The following GASK1A variants were observed in gnomAD, a reference collection of about 807,000 sequenced individuals.
The protein encoded by GASK1A is golgi associated kinase 1A.
GASK1A carries 40 observed loss-of-function variants against 41.2 expected under a neutral mutation model. The observed-to-expected ratio is 0.97, with a 90% CI of 0.75 to 1.27. GASK1A has a LOEUF of 1.27. Among genes scored for constraint, GASK1A ranks in the 50% most tolerant of loss-of-function variants. The pLI is 0.00. For missense variants in GASK1A, 678 were observed against 745.1 expected (o/e 0.91, Z 1.05); for synonymous variants, 316 against 307.1 (o/e 1.03, Z -0.30).
chr3:43,056,010 C>T (rs3732856), intron 4 of GASK1A, 166 bp from the exon 5 acceptor site: 350,742 of 608,786 alleles, frequency 0.58, 105,076 homozygotes, highest in South Asian at 0.72. Context: ...AAAGGGTCCT[C>T]TGTTAGTGAG....
At chr3:42,985,801 A>G (rs1172698607) in intron 1 of GASK1A, among the ~76,000 whole-genome samples, 1 of 152,186 alleles carries the variant, frequency 6.6e-6, no homozygotes, top group African/African-American at 2.4e-5. Flanking sequence ...AAGCCACTGT[A>G]CATCTGTTAG....
In GASK1A at chr3:43,033,338, C is replaced by T. The variant is rs1256004161; in HGVS notation, c.1075C>T (p.Arg359Ter). 23 of 1,551,296 alleles carry T rather than the reference C, an allele frequency of 1.5e-5. No individual in the cohort carries two copies. The African/African-American group carries it at 1.6e-4, about 11-fold the overall frequency. The part of the protein sequence containing the change: ...RRFHSPLLPY[R>*]YTDGGARPVI... Reference sequence around the variant, plus strand: ...CTTCCATAGCCCCCTCCTGCCCTACCGATACACAGACGGTGGAGCAAGGCC... The same window carrying T: ...CTTCCATAGCCCCCTCCTGCCCTACTGATACACAGACGGTGGAGCAAGGCC... Residue 359 changes from arginine to a stop codon, truncating the protein, a stop_gained, in exon 2 of 5, where the codon CGA becomes TGA. Transcript: ENST00000430121. LOFTEE classifies it high-confidence loss of function.
At chr3:42,988,116 G>A (rs1016245663) in intron 1 of GASK1A, among the ~76,000 whole-genome samples, 1 of 151,920 alleles carries the variant, frequency 6.6e-6, no homozygotes, top group Non-Finnish European at 1.5e-5. Flanking sequence ...CCTCCAGCCA[G>A]TGTAGACACC....
chr3:42,989,211 G>T (rs925297462), intron 1 of GASK1A, among the ~76,000 whole-genome samples: 1 of 152,116 alleles, frequency 6.6e-6, no homozygotes, highest in Non-Finnish European at 1.5e-5. Flanking sequence ...ACGTCGATAG[G>T]GGGAGAGGGT....
In GASK1A at chr3:43,056,633, G is replaced by A. The variant is rs2089717858; in HGVS notation, c.*247G>A. 2.4e-6 allele frequency: 1 copy of A among 417,898 alleles called. No homozygotes were observed. The highest frequency in any genetic ancestry group is 2.0e-5 in the African/African-American group (1 of 51,034). 25.9% of individuals were successfully genotyped at this position (417,898 alleles called of 1,614,324 possible). ...AAATACATTCGAAAATGTTCTGTGAGCTGCTCAAGAAACTGTAAAAATGTG... is the reference window on the plus strand; with the variant it reads ...AAATACATTCGAAAATGTTCTGTGAACTGCTCAAGAAACTGTAAAAATGTG... On this transcript the variant is annotated 3_prime_UTR_variant, in exon 5 of 5. Coordinates refer to ENST00000430121, the MANE Select transcript of GASK1A (RefSeq NM_001129908.3).
rs1406350138 is a variant in GASK1A, at chr3:43,032,335, C to A, written c.72C>A (p.Ile24=). 57 of 1,550,994 alleles carry A rather than the reference C, an allele frequency of 3.7e-5. No homozygotes were observed. Among genetic ancestry groups the A allele is most frequent in the Non-Finnish European group, 4.8e-5 (55 of 1,146,588 alleles). Reference sequence around the variant, plus strand: ...TGATAGCGTTCTGCCTCTTGATGATCCTATCTGCGATGGCTGTCACCCGCT... The same window carrying A: ...TGATAGCGTTCTGCCTCTTGATGATACTATCTGCGATGGCTGTCACCCGCT... ...RPVIAFCLLM[I]LSAMAVTRFP... The change falls in exon 2 of 5, where the codon ATC becomes ATA. Residue 24 remains isoleucine (I), a synonymous_variant. Coordinates refer to ENST00000430121, the MANE Select transcript of GASK1A (RefSeq NM_001129908.3).
chr3:43,020,277 C>T (rs1263137768), intron 1 of GASK1A, among the ~76,000 whole-genome samples: 1 of 152,200 alleles, frequency 6.6e-6, no homozygotes, highest in African/African-American at 2.4e-5. Flanking sequence ...TTCCTCCAAG[C>T]GTTCCTGTTT....
intron 2 of GASK1A, chr3:43,037,292 G>A (rs894463095): frequency 3.4e-6 from 3 of 876,926 alleles, no homozygotes; most frequent in Non-Finnish European, 5.9e-6. Flanking sequence ...AGATGAACGG[G>A]ACCCCAGGTG....
At chr3:42,986,647 A>G (rs1294720298) in intron 1 of GASK1A, among the ~76,000 whole-genome samples, 1 of 152,068 alleles carries the variant, frequency 6.6e-6, no homozygotes, top group Non-Finnish European at 1.5e-5. Flanking sequence ...TGGCTCTTGG[A>G]TGTGGGTGCT....
intron 1 of GASK1A, among the ~76,000 whole-genome samples, chr3:43,001,189 G>A (rs1251772134): frequency 6.6e-6 from 1 of 152,120 alleles, no homozygotes; most frequent in African/African-American, 2.4e-5. Context: ...GCAGGGCGCA[G>A]ACATTGTGGG....
chr3:42,997,323 G>T (rs939968371), intron 1 of GASK1A, among the ~76,000 whole-genome samples: 12 of 152,048 alleles, frequency 7.9e-5, no homozygotes, highest in African/African-American at 2.2e-4. Context: ...CTCACCTCTG[G>T]CCTCTGCTCC....
intron 1 of GASK1A, among the ~76,000 whole-genome samples, chr3:43,011,617 G>A (rs1398945337): frequency 6.6e-6 from 1 of 152,110 alleles, no homozygotes; most frequent in Non-Finnish European, 1.5e-5. Flanking sequence ...GCAGAGTGAA[G>A]TCACAGGAAG....
intron 2 of GASK1A, chr3:43,037,506 T>C: frequency 4.2e-6 from 2 of 479,958 alleles, no homozygotes; most frequent in Non-Finnish European, 7.6e-6. Flanking sequence ...TTTAGGAATA[T>C]CTGGAGAGAA....
intron 3 of GASK1A, among the ~76,000 whole-genome samples, chr3:43,054,868 CT>C (rs1433660112): frequency 1.3e-5 from 2 of 152,190 alleles, no homozygotes. Context: ...CTCAGTGATG[CT>C]CAGGGGGATG....
At chr3:43,019,757 AAC>A (rs148054172) in intron 1 of GASK1A, among the ~76,000 whole-genome samples, 3,533 of 146,118 alleles carry the variant, frequency 0.024, 47 homozygotes, top group South Asian at 0.081. Context: ...TTCCGTTTTT[AAC>A]ACACACACAC....
intron 1 of GASK1A, among the ~76,000 whole-genome samples, chr3:43,009,315 GC>G (rs1280338981): frequency 6.6e-6 from 1 of 152,210 alleles, no homozygotes; most frequent in Admixed American, 6.5e-5. Context: ...AGGAACCCCA[GC>G]CAATGTAATG....
At chr3:43,007,416 T>C (rs1191340575) in intron 1 of GASK1A, among the ~76,000 whole-genome samples, 2 of 152,220 alleles carry the variant, frequency 1.3e-5, no homozygotes, top group Admixed American at 6.5e-5. Flanking sequence ...TTCTGCTGGG[T>C]GCAGGAGGGG....
intron 2 of GASK1A, among the ~76,000 whole-genome samples, chr3:43,050,077 T>C (rs186311545): frequency 3.2e-4 from 49 of 152,136 alleles, no homozygotes; most frequent in Non-Finnish European, 6.5e-4. Flanking sequence ...ACATTTATAC[T>C]GTCTTTTATG....
chr3:43,014,216 G>A (rs1365094706), intron 1 of GASK1A, among the ~76,000 whole-genome samples: 4 of 152,046 alleles, frequency 2.6e-5, no homozygotes, highest in Admixed American at 2.6e-4. Context: ...GGGACAGGGG[G>A]TAGTCACAGG....
Sources: gnomAD v4.1 joint callset for allele counts (sites outside exome capture counted in the v4.1 genomes callset) on GRCh38, gnomAD v4.1.1 for gene constraint, MANE v1.5 for transcripts, NCBI Gene and HGNC (gene_info 2026-07-23, HGNC 2026-07-21) for gene names.